Variants in KHDRBS2 observed in about 807,000 individuals in gnomAD.
The protein encoded by KHDRBS2 is KH RNA binding domain containing, signal transduction associated 2.
KHDRBS2 carries 26 observed loss-of-function variants against 44.3 expected under a neutral mutation model. The ratio of observed to expected loss-of-function variants is 0.59; its 90% confidence interval spans 0.43 to 0.81. The LOEUF is 0.81. KHDRBS2 is among the 40% of genes least tolerant of loss of function. The probability of loss-of-function intolerance (pLI) is 0.00; values close to 1 mark genes in which losing one functional copy is unlikely to be tolerated. For synonymous variants in KHDRBS2, 194 were observed against 151.1 expected (o/e 1.28, Z -2.08); for missense variants, 476 against 433.1 (o/e 1.10, Z -0.88).
intron 2 of KHDRBS2, among the ~76,000 whole-genome samples, chr6:62,137,005 T>C (rs1394061849): frequency 1.5e-4 from 21 of 137,142 alleles, no homozygotes; most frequent in Admixed American, 1.2e-3. Context: ...TTTTTTTTTT[T>C]TTTTTTTTTT....
At chr6:61,716,965 C>T (rs896929814) in intron 7 of KHDRBS2, among the ~76,000 whole-genome samples, 1 of 151,966 alleles carries the variant, frequency 6.6e-6, no homozygotes, top group Non-Finnish European at 1.5e-5. Context: ...CTAAATTAAC[C>T]TGGTGAGGAG....
intron 8 of KHDRBS2, among the ~76,000 whole-genome samples, chr6:61,694,762 GA>G: frequency 6.6e-6 from 1 of 152,168 alleles, no homozygotes; most frequent in South Asian, 2.1e-4. Context: ...TCCTTCCAAT[GA>G]GTGGAAATTA....
chr6:61,673,962 G>A, the KHDRBS2 span, among the ~76,000 whole-genome samples: 4 of 151,594 alleles, frequency 2.6e-5, no homozygotes, highest in South Asian at 2.1e-4. Flanking sequence ...AGCCCGCATC[G>A]CCAAGTCAAT....
chr6:61,812,815 T>C (rs952207833), intron 6 of KHDRBS2, among the ~76,000 whole-genome samples: 4 of 152,082 alleles, frequency 2.6e-5, no homozygotes, highest in African/African-American at 7.2e-5. Flanking sequence ...AGTTGAGATA[T>C]ACTCATTTAT....
chr6:62,094,439 C>T (rs1041495351), intron 2 of KHDRBS2, among the ~76,000 whole-genome samples: 1 of 151,748 alleles, frequency 6.6e-6, no homozygotes, highest in Admixed American at 6.6e-5. Context: ...ATATTAATCC[C>T]TTATCAAACA....
chr6:62,056,147 A>G (rs1313072238), intron 2 of KHDRBS2, among the ~76,000 whole-genome samples: 1 of 151,968 alleles, frequency 6.6e-6, no homozygotes, highest in Non-Finnish European at 1.5e-5. Context: ...TATTAAATAT[A>G]GAGTGGCTTT....
intron 2 of KHDRBS2, among the ~76,000 whole-genome samples, chr6:62,072,722 G>A (rs146576333): frequency 0.073 from 11,046 of 152,162 alleles, 440 homozygotes; most frequent in African/African-American, 0.078. Context: ...GCTTTTTGAT[G>A]TGCTGCTGGA....
chr6:62,156,670 G>A (rs1816453777), intron 2 of KHDRBS2, among the ~76,000 whole-genome samples: 1 of 151,894 alleles, frequency 6.6e-6, no homozygotes, highest in African/African-American at 2.4e-5. Context: ...TGTTTTTTGA[G>A]ACGGAGTCTC....
At chr6:62,285,759 G>A in intron 1 of KHDRBS2, 99 bp downstream of exon 1, 1 of 740,004 alleles carries the variant, frequency 1.4e-6, no homozygotes, top group Non-Finnish European at 2.3e-6. Flanking sequence ...TTCTGCGAAG[G>A]CGGGGAGAGG....
chr6:61,729,567 G>A (rs1224574469), intron 7 of KHDRBS2, among the ~76,000 whole-genome samples: 6 of 152,092 alleles, frequency 3.9e-5, no homozygotes, highest in Non-Finnish European at 5.9e-5. Flanking sequence ...CAATATATGA[G>A]CATTGCAGTT....
chr6:61,567,915 T>A, the KHDRBS2 span, among the ~76,000 whole-genome samples: 5 of 152,084 alleles, frequency 3.3e-5, no homozygotes, highest in Non-Finnish European at 7.4e-5. Flanking sequence ...GAATTCAAAT[T>A]TTTTTATCTA....
At position 61,739,929 on chromosome 6, in the gene KHDRBS2, G is replaced by GT. The variant is rs145740294; in HGVS notation, c.811-7166dup. ...TTCAATATAATCTATTTCATTTAAA[G>GT]TTGTGTAATTCAATTTTTAATAATG... On this transcript the variant is annotated intron_variant, in intron 6 of 8. Coordinates refer to ENST00000281156, the MANE Select transcript of KHDRBS2 (RefSeq NM_152688.4). 5.5e-3 allele frequency among the ~76,000 whole-genome samples: 832 copies of GT among 152,022 alleles called. 4 individuals are homozygous for GT. The highest frequency in any genetic ancestry group is 0.019 in the African/African-American group (784 of 41,534).
chr6:61,612,931 C>T, the KHDRBS2 span, among the ~76,000 whole-genome samples: 1 of 143,144 alleles, frequency 7.0e-6, no homozygotes, highest in Non-Finnish European at 1.5e-5. Context: ...CGGCTGACGG[C>T]AAGCTCCGCC....
At chr6:61,818,266 T>TAAAAAAAAAAAAAAAAAAAAAA (rs60399147) in intron 6 of KHDRBS2, among the ~76,000 whole-genome samples, 1 of 114,492 alleles carries the variant, frequency 8.7e-6, no homozygotes, top group African/African-American at 3.1e-5. Flanking sequence ...CCTCTGTAAG[T>TAAAAAAAAAAAAAAAAAAAAAA]AAAAAAAAAA....
chr6:62,080,582 G>A (rs1218313832), intron 2 of KHDRBS2, among the ~76,000 whole-genome samples: 1 of 152,080 alleles, frequency 6.6e-6, no homozygotes, highest in African/African-American at 2.4e-5. Flanking sequence ...ATGTGAATGT[G>A]GTTATATTTT....
intron 2 of KHDRBS2, among the ~76,000 whole-genome samples, chr6:62,055,435 G>A (rs1486275058): frequency 6.6e-6 from 1 of 152,020 alleles, no homozygotes; most frequent in Non-Finnish European, 1.5e-5. Flanking sequence ...CAGACATCAA[G>A]CATTGGCCAG....
chr6:62,077,964 C>T (rs1029288862), intron 2 of KHDRBS2, among the ~76,000 whole-genome samples: 30 of 152,096 alleles, frequency 2.0e-4, no homozygotes, highest in African/African-American at 6.3e-4. Context: ...TTTCTAAGTA[C>T]GTTTACAACA....
chr6:61,675,567 C>T (rs924967656), downstream of KHDRBS2, among the ~76,000 whole-genome samples: 7 of 151,706 alleles, frequency 4.6e-5, no homozygotes, highest in African/African-American at 1.7e-4. Flanking sequence ...TCTAAATATA[C>T]ATTAAATATT....
intron 1 of KHDRBS2, among the ~76,000 whole-genome samples, chr6:62,237,406 A>T (rs780545800): frequency 6.6e-5 from 10 of 152,204 alleles, no homozygotes; most frequent in Non-Finnish European, 1.3e-4. Flanking sequence ...ATTAATTTTA[A>T]TAAATCACCT....
Sources: gnomAD v4.1 joint callset for allele counts (sites outside exome capture counted in the v4.1 genomes callset) on GRCh38, gnomAD v4.1.1 for gene constraint, MANE v1.5 for transcripts, NCBI Gene and HGNC (gene_info 2026-07-23, HGNC 2026-07-21) for gene names.